PLCH1: variants seen among roughly 807,000 people sequenced by gnomAD.
The protein encoded by PLCH1 is 1-phosphatidylinositol 4,5-bisphosphate phosphodiesterase eta-1.
In PLCH1, 60 loss-of-function variants were observed where a neutral mutation model predicts 126.7. That is an observed-to-expected ratio of 0.47 (90% CI 0.38 to 0.59). The LOEUF is 0.59. Among genes scored for constraint, PLCH1 ranks in the 20% least tolerant of loss-of-function variants. The pLI is 0.00. For missense variants in PLCH1, 1,723 were observed against 2,040.0 expected, an observed-to-expected ratio of 0.84 and a Z score of 2.99; for synonymous variants, 719 against 734.9, an observed-to-expected ratio of 0.98 and a Z score of 0.35.
At chr3:155,512,409 A>T (rs1208714666) in intron 12 of PLCH1, among the ~76,000 whole-genome samples, 5 of 152,184 alleles carry the variant, frequency 3.3e-5, no homozygotes, top group African/African-American at 1.2e-4. Context: ...TAGACACAAA[A>T]GATTACAACA....
chr3:155,638,283 A>G (rs1738970509), intron 2 of PLCH1, among the ~76,000 whole-genome samples: 1 of 152,174 alleles, frequency 6.6e-6, no homozygotes, highest in African/African-American at 2.4e-5. Flanking sequence ...ACTACCCACT[A>G]TCACCCCAAT....
intron 21 of PLCH1, among the ~76,000 whole-genome samples, chr3:155,453,049 C>T (rs1287125807): frequency 1.3e-5 from 2 of 152,126 alleles, no homozygotes; most frequent in African/African-American, 4.8e-5. Flanking sequence ...TAGTGAGCCC[C>T]TAAATTCTGA....
intron 1 of PLCH1, among the ~76,000 whole-genome samples, chr3:155,714,196 G>T (rs181889640): frequency 6.7e-6 from 1 of 148,360 alleles, no homozygotes; most frequent in Non-Finnish European, 1.5e-5. Context: ...ACTAAATCCA[G>T]TTAAAAACTA....
chr3:155,491,444 G>A (rs1192542867), intron 18 of PLCH1, among the ~76,000 whole-genome samples: 1 of 151,758 alleles, frequency 6.6e-6, no homozygotes, highest in Non-Finnish European at 1.5e-5. Context: ...GGTAATTTTT[G>A]TAGAGATGGG....
At chr3:155,683,564 A>C (rs1744697120) in intron 2 of PLCH1, among the ~76,000 whole-genome samples, 1 of 152,172 alleles carries the variant, frequency 6.6e-6, no homozygotes, top group Non-Finnish European at 1.5e-5. Flanking sequence ...ATTCTGATTG[A>C]CATTTGGGTG....
intron 21 of PLCH1, among the ~76,000 whole-genome samples, chr3:155,472,594 C>T (rs1157114702): frequency 6.6e-6 from 1 of 151,926 alleles, no homozygotes; most frequent in Non-Finnish European, 1.5e-5. Context: ...CAGCATCATC[C>T]TGATACCAAA....
In PLCH1 at chr3:155,485,445, G is replaced by C. The variant is rs1319354048; in HGVS notation, c.2885C>G (p.Ser962Cys). ...TTRSLQARPV[S>C]MPVDRNLLGA... Reference sequence around the variant, plus strand: ...CAGAAGGTTTCTGTCAACAGGCATAGAGACAGGGCGTGCTTGCAAACTGCG... The same window carrying C: ...CAGAAGGTTTCTGTCAACAGGCATACAGACAGGGCGTGCTTGCAAACTGCG... Residue 962 changes from serine to cysteine, a missense_variant, in exon 22 of 23, where the codon TCT becomes TGT. Coordinates refer to ENST00000460012, the MANE Select transcript of PLCH1 (RefSeq NM_014996.4). 1.2e-6 allele frequency: 2 copies of C among 1,613,984 alleles called. No individual in the cohort carries two copies. Among genetic ancestry groups the C allele is most frequent in the Admixed American group, 1.7e-5 (1 of 60,034 alleles).
intron 2 of PLCH1, among the ~76,000 whole-genome samples, chr3:155,608,650 T>C (rs1368874986): frequency 6.6e-6 from 1 of 152,060 alleles, no homozygotes; most frequent in Non-Finnish European, 1.5e-5. Context: ...GTAATTACTC[T>C]TGGAACATAA....
intron 2 of PLCH1, among the ~76,000 whole-genome samples, chr3:155,689,881 A>G (rs1745243330): frequency 6.6e-6 from 1 of 152,162 alleles, no homozygotes; most frequent in Non-Finnish European, 1.5e-5. Context: ...AATATCAGAG[A>G]AATTCCTAAA....
At chr3:155,594,589 A>C (rs1040669672) in intron 3 of PLCH1, among the ~76,000 whole-genome samples, 1 of 152,128 alleles carries the variant, frequency 6.6e-6, no homozygotes, top group South Asian at 2.1e-4. Flanking sequence ...AAAATAAATA[A>C]GTAAGTATGA....
intron 2 of PLCH1, among the ~76,000 whole-genome samples, chr3:155,680,552 A>G (rs1744431613): frequency 6.6e-6 from 1 of 152,180 alleles, no homozygotes; most frequent in Non-Finnish European, 1.5e-5. Flanking sequence ...ACATACAGGT[A>G]CCTCAATTAA....
intron 7 of PLCH1, among the ~76,000 whole-genome samples, chr3:155,567,279 G>A (rs1560178830): frequency 1.3e-5 from 2 of 150,462 alleles, no homozygotes; most frequent in Admixed American, 6.6e-5. Context: ...CACCATGTTG[G>A]CCAGGCTGGT....
chr3:155,501,174 A>G (rs1180203081), intron 13 of PLCH1, among the ~76,000 whole-genome samples: 1 of 152,204 alleles, frequency 6.6e-6, no homozygotes, highest in Non-Finnish European at 1.5e-5. Flanking sequence ...CTATTAATAA[A>G]CTGTAAAAGG....
intron 2 of PLCH1, among the ~76,000 whole-genome samples, chr3:155,635,460 T>C (rs1465523127): frequency 6.6e-6 from 1 of 152,272 alleles, no homozygotes; most frequent in Non-Finnish European, 1.5e-5. Context: ...GAGAGGACTA[T>C]GCACATTGTG....
At chr3:155,460,795 T>C (rs1415642315) in intron 21 of PLCH1, among the ~76,000 whole-genome samples, 1 of 72,470 alleles carries the variant, frequency 1.4e-5, no homozygotes, top group African/African-American at 5.2e-5. Context: ...AGAAGATAGA[T>C]AGATAGATAG....
intron 2 of PLCH1, among the ~76,000 whole-genome samples, chr3:155,693,773 T>C (rs1008155763): frequency 6.6e-6 from 1 of 151,912 alleles, no homozygotes; most frequent in Admixed American, 6.6e-5. Context: ...CAACTAAAAA[T>C]ACAAAAATTA....
chr3:155,456,941 C>G (rs913990005), intron 21 of PLCH1: 2 of 152,700 alleles, frequency 1.3e-5, no homozygotes, highest in Non-Finnish European at 2.9e-5. Flanking sequence ...AGGTGGAATT[C>G]AACATATCCC....
intron 8 of PLCH1, among the ~76,000 whole-genome samples, chr3:155,555,663 T>C (rs988202199): frequency 1.3e-5 from 2 of 152,208 alleles, no homozygotes; most frequent in Non-Finnish European, 2.9e-5. Context: ...AGGCTTGTTC[T>C]TCTGGTTAGG....
chr3:155,522,635 A>T lies in PLCH1; in HGVS notation c.1470+1262T>A, dbSNP rs182234334. 4.5e-3 allele frequency among the ~76,000 whole-genome samples: 679 copies of T among 152,094 alleles called. 6 individuals carry two copies. Among genetic ancestry groups the T allele is most frequent in the Middle Eastern group, 0.01 (3 of 294 alleles). Reference sequence around the variant, plus strand: ...CCAACACAGAATTATCTGAGAGTGGACTGTTGTTAACAATGTAATAACTGA... The same window carrying T: ...CCAACACAGAATTATCTGAGAGTGGTCTGTTGTTAACAATGTAATAACTGA... On this transcript the variant is annotated intron_variant, in intron 11 of 22. Transcript: ENST00000460012.
Sources: allele counts gnomAD v4.1 joint callset (sites outside exome capture counted in the v4.1 genomes callset), GRCh38; gene constraint gnomAD v4.1.1; transcripts MANE v1.5; gene names NCBI Gene and HGNC (gene_info 2026-07-23, HGNC 2026-07-21).